ME1: variants seen among roughly 807,000 people sequenced by gnomAD.
ME1 encodes the protein NADP-dependent malic enzyme.
Under a neutral mutation model 66.4 loss-of-function variants are expected in ME1, and 74 were observed. That is an observed-to-expected ratio of 1.11 (90% CI 0.92 to 1.35). ME1 has a LOEUF of 1.35. Ranked by LOEUF, ME1 falls within the 40% of genes most tolerant of loss-of-function variation. The probability of loss-of-function intolerance (pLI) is 0.00; values close to 1 mark genes in which losing one functional copy is unlikely to be tolerated. For synonymous variants in ME1, 251 were observed against 235.6 expected (o/e 1.07, Z -0.60); for missense variants, 750 against 694.1 (o/e 1.08, Z -0.90).
intron 3 of ME1, chr6:83,393,095 G>A (rs949187910): frequency 2.5e-5 from 36 of 1,451,496 alleles, no homozygotes; most frequent in Non-Finnish European, 3.1e-5. Flanking sequence ...TCACTGGCAT[G>A]GCCTTCCGTG....
intron 6 of ME1, among the ~76,000 whole-genome samples, chr6:83,299,472 G>A (rs1375925643): frequency 1.3e-5 from 2 of 152,190 alleles, no homozygotes; most frequent in Non-Finnish European, 2.9e-5. Context: ...CTTTGCTGAA[G>A]TTGTTTATCA....
rs1020909821 is a variant in ME1, at chr6:83,214,145, G to T, written c.1549-2051C>A. 2.0e-5 allele frequency among the ~76,000 whole-genome samples: 3 copies of T among 152,194 alleles called. No individual in the cohort carries two copies. In the South Asian group the frequency reaches 6.2e-4, roughly 32 times the overall value. On this transcript the variant is annotated intron_variant, in intron 13 of 13. Coordinates refer to ENST00000369705, the MANE Select transcript of ME1 (RefSeq NM_002395.6). ...TAGAATATTTCCATCACCCCAAAAA[G>T]ATCCCTCATGCCTACTTAAGATGGC...
chr6:83,322,977 C>G (rs1768208234), intron 5 of ME1, among the ~76,000 whole-genome samples: 1 of 152,094 alleles, frequency 6.6e-6, no homozygotes, highest in African/African-American at 2.4e-5. Flanking sequence ...TTCTGCAAGC[C>G]CGAAGAGAGT....
chr6:83,309,869 G>A (rs969210185), intron 6 of ME1, among the ~76,000 whole-genome samples: 2 of 152,040 alleles, frequency 1.3e-5, no homozygotes, highest in African/African-American at 4.8e-5. Flanking sequence ...GGAAAGCAAG[G>A]GGAGTGTGCT....
intron 3 of ME1, among the ~76,000 whole-genome samples, chr6:83,386,905 G>A (rs1255756700): frequency 2.0e-5 from 3 of 152,112 alleles, no homozygotes; most frequent in East Asian, 1.9e-4. Flanking sequence ...AAGCAACCAC[G>A]CTGACACCCT....
chr6:83,346,147 C>T (rs1768680268), intron 5 of ME1, 26 bp downstream of exon 5: 1 of 1,552,276 alleles, frequency 6.4e-7, no homozygotes, highest in Non-Finnish European at 8.8e-7. Flanking sequence ...AGGTACATAG[C>T]TGCCTTATAG....
chr6:83,251,241 T>A (rs551581645), intron 7 of ME1, among the ~76,000 whole-genome samples: 3 of 152,152 alleles, frequency 2.0e-5, no homozygotes, highest in Non-Finnish European at 4.4e-5. Context: ...ATGCCTGTAA[T>A]CCCACCACTT....
At chr6:83,234,771 GGTTT>G (rs10602337) in intron 9 of ME1, among the ~76,000 whole-genome samples, 59,249 of 151,630 alleles carry the variant, frequency 0.39, 11,688 homozygotes, top group Middle Eastern at 0.53. Flanking sequence ...CCCCTGCACA[GGTTT>G]GTTTAATTGC....
At chr6:83,390,881 CATAT>C (rs35846329) in intron 3 of ME1, among the ~76,000 whole-genome samples, 38,360 of 151,630 alleles carry the variant, frequency 0.25, 5,498 homozygotes, top group Middle Eastern at 0.46. Context: ...TATATATATA[CATAT>C]ATACATACAT....
At chr6:83,324,172 G>A (rs1202915073) in intron 5 of ME1, among the ~76,000 whole-genome samples, 3 of 151,798 alleles carry the variant, frequency 2.0e-5, no homozygotes, top group African/African-American at 7.3e-5. Context: ...AGAATCTCTG[G>A]GACACAGCTA....
intron 3 of ME1, among the ~76,000 whole-genome samples, chr6:83,373,498 G>A (rs766077023): frequency 8.5e-5 from 13 of 152,128 alleles, no homozygotes; most frequent in African/African-American, 1.7e-4. Context: ...GATTACAGGC[G>A]TGAGCCACCG....
At chr6:83,430,021 G>C (rs1013225075) in intron 1 of ME1, among the ~76,000 whole-genome samples, 12 of 152,146 alleles carry the variant, frequency 7.9e-5, no homozygotes, top group African/African-American at 2.7e-4. Flanking sequence ...TTTTATTTGA[G>C]AGACATCCCG....
rs542217630 is a variant in ME1 at position 83,213,497 on chromosome 6, A to G, written c.1549-1403T>C. On this transcript the variant is annotated intron_variant, in intron 13 of 13. Coordinates refer to ENST00000369705, the MANE Select transcript of ME1 (RefSeq NM_002395.6). ...GCGATTCTCCTGCCTCAGCCTCCCAAGGGTTAACAGGCTCCTGCCACCACA... is the reference window on the plus strand; with the variant it reads ...GCGATTCTCCTGCCTCAGCCTCCCAGGGGTTAACAGGCTCCTGCCACCACA... 2.5e-3 allele frequency among the ~76,000 whole-genome samples: 375 copies of G among 152,142 alleles called. 2 individuals are homozygous for G. The highest frequency in any genetic ancestry group is 4.4e-3 in the Non-Finnish European group (301 of 67,994).
At chr6:83,230,535 A>G (rs1790285178) in intron 9 of ME1, among the ~76,000 whole-genome samples, 1 of 152,202 alleles carries the variant, frequency 6.6e-6, no homozygotes, top group Non-Finnish European at 1.5e-5. Flanking sequence ...CCTGGTTTAT[A>G]GTAAGAGCTC....
chr6:83,218,576 C>T (rs1349367709), intron 12 of ME1, among the ~76,000 whole-genome samples: 1 of 152,104 alleles, frequency 6.6e-6, no homozygotes, highest in East Asian at 1.9e-4. Context: ...GCAGAGGAGG[C>T]CTCTGCATCC....
chr6:83,421,041 A>C (rs1770255759), intron 1 of ME1, among the ~76,000 whole-genome samples: 1 of 152,196 alleles, frequency 6.6e-6, no homozygotes, highest in Non-Finnish European at 1.5e-5. Context: ...GCCCAAAGCC[A>C]AGAGAGGGAA....
rs570843112 is a variant in ME1, at chr6:83,375,096, T to C, written c.363-22957A>G. On this transcript the variant is annotated intron_variant, in intron 3 of 13. Coordinates refer to ENST00000369705, the MANE Select transcript of ME1 (RefSeq NM_002395.6). ...CTATATGGGGTCTTCTTTGATTCCATATGAAATTTAAAGTAGTTTTTCTAA... is the reference window on the plus strand; with the variant it reads ...CTATATGGGGTCTTCTTTGATTCCACATGAAATTTAAAGTAGTTTTTCTAA... 2.6e-5 allele frequency among the ~76,000 whole-genome samples: 4 copies of C among 152,336 alleles called. No homozygotes were observed. The East Asian group carries it at 5.8e-4, about 22-fold the overall frequency.
At chr6:83,351,186 G>C (rs1768796276) in intron 4 of ME1, among the ~76,000 whole-genome samples, 1 of 152,056 alleles carries the variant, frequency 6.6e-6, no homozygotes, top group African/African-American at 2.4e-5. Context: ...CGTGAGGTCA[G>C]GAGTTCAAGA....
rs1056897456 is a variant in ME1 at position 83,243,752 on chromosome 6, A to G, written c.815-4116T>C. Among the ~76,000 whole-genome samples the G allele has an allele frequency of 5.3e-5, 7 of 131,236 alleles. No homozygotes were observed. In the East Asian group the frequency reaches 1.4e-3, roughly 26 times the overall value. 86.1% of individuals were successfully genotyped at this position (131,236 alleles called of 152,430 possible). ...ATATAATATATAATTATATTATATT[A>G]TATATTATATAATTATATTATATTT... On this transcript the variant is annotated intron_variant, in intron 7 of 13. Transcript: ENST00000369705.
Sources: allele counts gnomAD v4.1 joint callset (sites outside exome capture counted in the v4.1 genomes callset), GRCh38; gene constraint gnomAD v4.1.1; transcripts MANE v1.5; gene names NCBI Gene and HGNC (gene_info 2026-07-23, HGNC 2026-07-21).